Variants in MBIP observed in about 807,000 individuals in gnomAD.
MBIP encodes the protein MAP3K12 binding inhibitory protein 1.
A neutral mutation model predicts 45.7 loss-of-function variants in MBIP; 32 were observed. That is an observed-to-expected ratio of 0.70 (90% confidence interval 0.53 to 0.94). MBIP has a LOEUF of 0.94. Ranked by LOEUF, MBIP falls within the 40% of genes least tolerant of loss-of-function variation. The probability of loss-of-function intolerance (pLI) is 0.00; values close to 1 mark genes in which losing one functional copy is unlikely to be tolerated. For missense variants in MBIP, 381 were observed against 405.5 expected, an observed-to-expected ratio of 0.94 and a Z score of 0.52; for synonymous variants, 145 against 141.0, an observed-to-expected ratio of 1.03 and a Z score of -0.20.
intron 1 of MBIP, chr14:36,319,605 C>T (rs760965716): frequency 2.3e-6 from 1 of 439,774 alleles, no homozygotes; most frequent in South Asian, 1.6e-5. Context: ...GACACAAATG[C>T]CTGCTTTGTC....
rs1374341889 is a variant in MBIP, at chr14:36,320,609, C to G, written c.-21G>C. The G allele has an allele frequency of 1.4e-6, 2 of 1,456,080 alleles. No homozygotes were observed. Among genetic ancestry groups the G allele is most frequent in the Admixed American group, 3.7e-5 (2 of 54,032 alleles). 90.2% of individuals were successfully genotyped at this position (1,456,080 alleles called of 1,614,324 possible). On this transcript the variant is annotated 5_prime_UTR_variant, in exon 1 of 9. Coordinates refer to ENST00000416007, the MANE Select transcript of MBIP (RefSeq NM_016586.3). ...GCCATGATATCTTCTCAGGCCGCCCCACCACCACCACCACCAAGATTTGCT... is the reference window on the plus strand; with the variant it reads ...GCCATGATATCTTCTCAGGCCGCCCGACCACCACCACCACCAAGATTTGCT...
intron 2 of MBIP, among the ~76,000 whole-genome samples, chr14:36,316,255 CTG>C (rs1880560398): frequency 6.6e-6 from 1 of 152,114 alleles, no homozygotes; most frequent in South Asian, 2.1e-4. Context: ...TATGCTGAAA[CTG>C]TTTAATTGCA....
chr14:36,304,143 G>A (rs1347269335), intron 7 of MBIP, among the ~76,000 whole-genome samples: 1 of 152,154 alleles, frequency 6.6e-6, no homozygotes, highest in African/African-American at 2.4e-5. Context: ...ACACGCACAT[G>A]GCCTGTGTAC....
At position 36,312,020 on chromosome 14, in the gene MBIP, A is replaced by G. The variant is rs1233924031; in HGVS notation, c.576T>C (p.Asn192=). The change falls in exon 5 of 9, where the codon AAT becomes AAC. Residue 192 remains asparagine (N), a synonymous_variant. Transcript: ENST00000416007. ...AAATCGCATCAGTTCTTGCACAACT[A>G]TTTTCTAAGGAGAATTTAGATAAAT... ...FCNVIDCNQE[N]SCARTDAIFT... 1.3e-6 allele frequency: 2 copies of G among 1,568,552 alleles called. No homozygotes were observed. Among genetic ancestry groups the G allele is most frequent in the African/African-American group, 2.7e-5 (2 of 73,600 alleles).
intron 7 of MBIP, chr14:36,301,127 G>T: frequency 9.7e-6 from 2 of 207,062 alleles, no homozygotes; most frequent in South Asian, 2.8e-4. Context: ...GGAAAGAGGT[G>T]CTCTGGGGAT....
chr14:36,317,659 A>C (rs928167073), intron 1 of MBIP, among the ~76,000 whole-genome samples: 3 of 152,110 alleles, frequency 2.0e-5, no homozygotes, highest in Admixed American at 6.5e-5. Flanking sequence ...TTACAATGAG[A>C]GCGCCCATCT....
intron 1 of MBIP, among the ~76,000 whole-genome samples, chr14:36,317,314 T>C (rs889559308): frequency 1.2e-4 from 18 of 152,316 alleles, no homozygotes; most frequent in African/African-American, 4.3e-4. Flanking sequence ...CCAAATCACA[T>C]TTTTAGTTTT....
At chr14:36,320,334 C>T in intron 1 of MBIP, 126 bp downstream of exon 1, 1 of 1,388,358 alleles carries the variant, frequency 7.2e-7, no homozygotes, top group South Asian at 1.3e-5. Flanking sequence ...CCTTCCACAC[C>T]TCGGCTTCGG....
At chr14:36,317,118 C>T (rs566756948) in intron 1 of MBIP, among the ~76,000 whole-genome samples, 1 of 152,234 alleles carries the variant, frequency 6.6e-6, no homozygotes, top group South Asian at 2.1e-4. Context: ...TCTTTTGATA[C>T]TTCAATATAT....
At chr14:36,314,661 C>A in intron 3 of MBIP, 30 bp downstream of exon 3, 1 of 1,606,390 alleles carries the variant, frequency 6.2e-7, no homozygotes, top group Non-Finnish European at 8.5e-7. Flanking sequence ...AAAATAATAC[C>A]CTCTCGCCCC....
At chr14:36,316,614 T>C (rs750885350) in intron 2 of MBIP, 79 bp downstream of exon 2, 2 of 1,307,104 alleles carry the variant, frequency 1.5e-6, no homozygotes, top group African/African-American at 1.5e-5. Flanking sequence ...TGTTTAGAAC[T>C]GTCAAATACT....
chr14:36,306,611 A>G (rs1049268630), intron 7 of MBIP, among the ~76,000 whole-genome samples: 2 of 152,120 alleles, frequency 1.3e-5, no homozygotes, highest in African/African-American at 4.8e-5. Context: ...GAGAGAAGAG[A>G]GGAATGATGC....
rs2139212630 is a variant in MBIP at position 36,308,104 on chromosome 14, A to ATATTCAGGAG, written c.866_875dup (p.Phe293SerfsTer2). 1.3e-6 allele frequency: 2 copies of ATATTCAGGAG among 1,559,174 alleles called. No individual in the cohort carries two copies. The highest frequency in any genetic ancestry group is 4.5e-5 in the East Asian group (2 of 44,444). On this transcript the variant is annotated stop_gained and frameshift_variant, in exon 7 of 9. Transcript: ENST00000416007. LOFTEE classifies it high-confidence loss of function. Reference sequence around the variant, plus strand: ...CACTTATACTCACTACAGACTGAAAATATTCAGGAGAGATGCCTTCCAATT... The same window carrying ATATTCAGGAG: ...CACTTATACTCACTACAGACTGAAAATATTCAGGAGTATTCAGGAGAGATGCCTTCCAATT...
chr14:36,308,829 T>C (rs747035505), intron 6 of MBIP, among the ~76,000 whole-genome samples: 5 of 152,186 alleles, frequency 3.3e-5, no homozygotes, highest in Non-Finnish European at 7.3e-5. Flanking sequence ...ACTCCCAAAC[T>C]GGTCTCCCTG....
chr14:36,310,357 G>C (rs1483237260), intron 6 of MBIP, among the ~76,000 whole-genome samples: 1 of 152,074 alleles, frequency 6.6e-6, no homozygotes, highest in African/African-American at 2.4e-5. Flanking sequence ...TGCAAATGGT[G>C]TTTCTTCTTT....
intron 7 of MBIP, among the ~76,000 whole-genome samples, chr14:36,301,872 A>C (rs1264321252): frequency 6.6e-6 from 1 of 152,242 alleles, no homozygotes; most frequent in Non-Finnish European, 1.5e-5. Flanking sequence ...GAAACTGTGA[A>C]TGTCCAAGAC....
At chr14:36,308,678 C>G (rs17175276) in intron 6 of MBIP, among the ~76,000 whole-genome samples, 12,422 of 152,170 alleles carry the variant, frequency 0.082, 679 homozygotes, top group Non-Finnish European at 0.12. Flanking sequence ...AACTAACAAA[C>G]TTTCTGAGGA....
At chr14:36,316,431 G>GT (rs2139235178) in intron 2 of MBIP, among the ~76,000 whole-genome samples, 1 of 152,200 alleles carries the variant, frequency 6.6e-6, no homozygotes, top group East Asian at 1.9e-4. Context: ...AGATGGAACT[G>GT]TATTGAATTT....
At chr14:36,319,545 T>C in intron 1 of MBIP, 1 of 432,068 alleles carries the variant, frequency 2.3e-6, no homozygotes, top group Non-Finnish European at 4.6e-6. Context: ...AAAATAATTT[T>C]CACAAATCAG....
Sources: allele counts gnomAD v4.1 joint callset (sites outside exome capture counted in the v4.1 genomes callset), GRCh38; gene constraint gnomAD v4.1.1; transcripts MANE v1.5; gene names NCBI Gene and HGNC (gene_info 2026-07-23, HGNC 2026-07-21).